The following AK7 variants were observed in gnomAD, a reference collection of about 807,000 sequenced individuals.
AK7 encodes adenylate kinase 7, also known as ATP-AMP transphosphorylase 7.
AK7 carries 78 observed loss-of-function variants against 96.6 expected under a neutral mutation model. The ratio of observed to expected loss-of-function variants is 0.81; its 90% CI spans 0.67 to 0.97. The LOEUF is 0.97. Ranked by LOEUF, AK7 falls within the 50% of genes least tolerant of loss-of-function variation. The pLI is 0.00. For missense variants in AK7, 855 were observed against 887.9 expected, an observed-to-expected ratio of 0.96 and a Z score of 0.47; for synonymous variants, 302 against 317.2, an observed-to-expected ratio of 0.95 and a Z score of 0.51.
At chr14:96,458,507 C>T (rs1359931737) in intron 12 of AK7, among the ~76,000 whole-genome samples, 3 of 151,728 alleles carry the variant, frequency 2.0e-5, no homozygotes, top group Admixed American at 6.6e-5. Context: ...TTTGGGAGGC[C>T]GAGGCGGGTG....
intron 3 of AK7, among the ~76,000 whole-genome samples, chr14:96,407,234 C>T (rs546702729): frequency 6.6e-6 from 1 of 152,026 alleles, no homozygotes; most frequent in Admixed American, 6.5e-5. Flanking sequence ...CAAGTATTCA[C>T]AAAATAGGCC....
At chr14:96,423,004 G>A (rs77196766) in intron 5 of AK7, among the ~76,000 whole-genome samples, 15,376 of 152,154 alleles carry the variant, frequency 0.1, 914 homozygotes, top group East Asian at 0.15. Context: ...CTCCAGACCA[G>A]CTTTTCTTAC....
At chr14:96,446,742 A>G (rs775058190) in intron 8 of AK7, 135 bp downstream of exon 8, 1 of 628,510 alleles carries the variant, frequency 1.6e-6, no homozygotes, top group South Asian at 1.9e-5. Context: ...GGAGCTCAAG[A>G]CCAGCCTGAC....
intron 10 of AK7, among the ~76,000 whole-genome samples, chr14:96,455,487 T>A (rs1031684878): frequency 2.0e-5 from 3 of 151,978 alleles, no homozygotes; most frequent in South Asian, 2.1e-4. Context: ...CCTATCTCAA[T>A]ACAAAACAAA....
rs998979798 is a variant in AK7, at chr14:96,399,467, C to T, written c.294+1204C>T. On this transcript the variant is annotated intron_variant, in intron 2 of 17. Transcript: ENST00000267584. This position sits in a 1 kb window ranked among gnomAD's most constrained non-coding sequence, Gnocchi z 4.1. Reference sequence around the variant, plus strand: ...CTGTAAAAAACACTTAACTTGGCCTCCCTGCTGGCCACCAGCCTCTTTCTC... The same window carrying T: ...CTGTAAAAAACACTTAACTTGGCCTTCCTGCTGGCCACCAGCCTCTTTCTC... Among the ~76,000 whole-genome samples, 2 of 152,234 alleles carry T rather than the reference C, an allele frequency of 1.3e-5. No homozygotes were observed. The highest frequency in any genetic ancestry group is 2.9e-5 in the Non-Finnish European group (2 of 68,044).
At chr14:96,392,406 A>G (rs911474395) in intron 1 of AK7, 147 bp downstream of exon 1, 3 of 636,060 alleles carry the variant, frequency 4.7e-6, no homozygotes, top group African/African-American at 1.8e-5. Flanking sequence ...GGCACCACCA[A>G]TGCCCCCTGG....
chr14:96,471,387 T>A, intron 12 of AK7, 91 bp from the exon 13 acceptor site: 4 of 559,164 alleles, frequency 7.2e-6, no homozygotes, highest in Non-Finnish European at 8.2e-6. Context: ...TACCTTTGAC[T>A]ACACAACAAT....
At chr14:96,463,600 G>T (rs1403993609) in intron 12 of AK7, among the ~76,000 whole-genome samples, 1 of 150,694 alleles carries the variant, frequency 6.6e-6, no homozygotes, top group Admixed American at 6.6e-5. Context: ...GGCGCCTGTA[G>T]TCCCAGCTAC....
chr14:96,453,822 C>T (rs1197661417), intron 10 of AK7, among the ~76,000 whole-genome samples: 1 of 152,110 alleles, frequency 6.6e-6, no homozygotes, highest in Non-Finnish European at 1.5e-5. Context: ...GAGAAAGGAC[C>T]CACCCTTGGT....
chr14:96,475,510 G>T (rs1046877065), intron 14 of AK7, among the ~76,000 whole-genome samples: 1 of 152,138 alleles, frequency 6.6e-6, no homozygotes, highest in Non-Finnish European at 1.5e-5. Context: ...CCTGGTCCTG[G>T]GATGATTTAG....
Position 96,463,207 on chromosome 14 carries a change from A to T in AK7, c.1357+4995A>T, listed in dbSNP as rs1363930957. Among the ~76,000 whole-genome samples, 4 of 152,298 alleles carry T rather than the reference A, an allele frequency of 2.6e-5. No homozygotes were observed. The East Asian group carries it at 5.8e-4, about 22-fold the overall frequency. ...CCTTGGCAGTGGAAGTCTAATCAGA[A>T]CCATGACCATGACTCATGAATTAAC... On this transcript the variant is annotated intron_variant, in intron 12 of 17. Transcript: ENST00000267584.
chr14:96,439,007 A>G (rs1952775), intron 6 of AK7, among the ~76,000 whole-genome samples: 131,305 of 152,188 alleles, frequency 0.86, 56,960 homozygotes, highest in East Asian at 0.96. Flanking sequence ...CACTTATTGA[A>G]ATGGGGAAGA....
chr14:96,446,757 A>T, intron 8 of AK7, 150 bp downstream of exon 8: 1 of 598,952 alleles, frequency 1.7e-6, no homozygotes, highest in South Asian at 2.0e-5. Context: ...CCTGACCAAC[A>T]TGATGAAACC....
chr14:96,439,122 T>C (rs143510929), intron 6 of AK7, among the ~76,000 whole-genome samples: 1,815 of 151,740 alleles, frequency 0.012, 128 homozygotes, highest in Admixed American at 0.11. Flanking sequence ...ACAAAAAGAG[T>C]TTGGTGATCA....
intron 17 of AK7, among the ~76,000 whole-genome samples, chr14:96,487,383 CAAAAAAAAAAAAAAAAA>C (rs1355147501): frequency 8.6e-5 from 4 of 46,756 alleles, no homozygotes; most frequent in African/African-American, 4.1e-4. Flanking sequence ...GACTCCGTCT[CAAAAAAAAAAAAAAAAA>C]GAAAAAAAAA....
At chr14:96,423,954 C>CA in intron 5 of AK7, 2 of 1,034,092 alleles carry the variant, frequency 1.9e-6, no homozygotes, top group South Asian at 2.5e-5. Context: ...TGTGGACCAC[C>CA]AGGAAATGAT....
At chr14:96,432,996 C>T (rs994645140) in intron 5 of AK7, among the ~76,000 whole-genome samples, 5 of 152,110 alleles carry the variant, frequency 3.3e-5, no homozygotes, top group African/African-American at 4.8e-5. Flanking sequence ...TGAATATTGG[C>T]CCCCACTCTC....
intron 1 of AK7, among the ~76,000 whole-genome samples, chr14:96,393,070 C>T (rs1268651131): frequency 6.6e-6 from 1 of 152,056 alleles, no homozygotes; most frequent in South Asian, 2.1e-4. Flanking sequence ...TGTTTGGGTC[C>T]CCGAGTTCCA....
intron 4 of AK7, among the ~76,000 whole-genome samples, chr14:96,415,748 TAATTAATTTAATACATTAATTAATTA>T (rs1485650179): frequency 0.014 from 1,870 of 133,936 alleles, 13 homozygotes; most frequent in African/African-American, 0.024. Flanking sequence ...TTAATTAAAT[TAATTAATTTAATACATTAATTAATTA>T]AATTAATTTA....
Sources: allele counts gnomAD v4.1 joint callset (sites outside exome capture counted in the v4.1 genomes callset), GRCh38; gene constraint gnomAD v4.1.1; non-coding constraint Gnocchi (gnomAD v3.1); transcripts MANE v1.5; gene names NCBI Gene and HGNC (gene_info 2026-07-23, HGNC 2026-07-21).